Variants in DLG1 observed in about 807,000 individuals in gnomAD.
The protein encoded by DLG1 is discs large MAGUK scaffold protein 1.
A neutral mutation model predicts 123.4 loss-of-function variants in DLG1; 42 were observed. That is an observed-to-expected ratio of 0.34 (90% confidence interval 0.27 to 0.44). The LOEUF (loss-of-function observed/expected upper bound fraction) is 0.44. Ranked by LOEUF, DLG1 falls within the 20% of genes least tolerant of loss-of-function variation. DLG1 has a pLI of 1.00. For missense variants in DLG1, 942 were observed against 1,082.6 expected (o/e 0.87, Z 1.82); for synonymous variants, 317 against 356.2 (o/e 0.89, Z 1.24).
chr3:197,048,955 C>A (rs938632062), intron 24 of DLG1, among the ~76,000 whole-genome samples: 6 of 152,186 alleles, frequency 3.9e-5, no homozygotes, highest in African/African-American at 1.4e-4. Flanking sequence ...CTGTGCCCAG[C>A]CACCTCAAAA....
intron 1 of DLG1, chr3:197,297,854 G>A: frequency 1.0e-6 from 1 of 985,298 alleles, no homozygotes; most frequent in Non-Finnish European, 1.2e-6. Context: ...GGCCAGACTC[G>A]GAGCAGCTCC....
chr3:197,131,594 T>TC (rs1782568246), intron 10 of DLG1, among the ~76,000 whole-genome samples: 2 of 124,650 alleles, frequency 1.6e-5, no homozygotes, highest in African/African-American at 3.3e-5. Flanking sequence ...CTTTTTTTTT[T>TC]TTTTTTTTTT....
chr3:197,053,609 T>C (rs1299523011), intron 23 of DLG1, among the ~76,000 whole-genome samples: 1 of 150,980 alleles, frequency 6.6e-6, no homozygotes, highest in Non-Finnish European at 1.5e-5. Flanking sequence ...CCGTCTCCAC[T>C]AAGAATACAA....
At chr3:197,149,967 T>C (rs932569235) in intron 5 of DLG1, among the ~76,000 whole-genome samples, 171 bp from the exon 6 acceptor site, 16 of 152,196 alleles carry the variant, frequency 1.1e-4, no homozygotes, top group Admixed American at 5.2e-4. Context: ...GAAAAAATTA[T>C]GTATAAGCAG....
At chr3:197,196,152 T>C (rs910191313) in intron 4 of DLG1, among the ~76,000 whole-genome samples, 15 of 119,378 alleles carry the variant, frequency 1.3e-4, no homozygotes, top group African/African-American at 4.4e-4. Flanking sequence ...AGGAAAAATG[T>C]ACGTTTGTAA....
At chr3:197,275,583 G>A (rs1338271890) in intron 4 of DLG1, among the ~76,000 whole-genome samples, 2 of 152,228 alleles carry the variant, frequency 1.3e-5, no homozygotes, top group Non-Finnish European at 2.9e-5. Flanking sequence ...ATGAAGTCCT[G>A]TCATCTGCAG....
At chr3:197,182,589 T>C (rs759487302) in intron 5 of DLG1, among the ~76,000 whole-genome samples, 6 of 152,196 alleles carry the variant, frequency 3.9e-5, no homozygotes, top group Non-Finnish European at 1.5e-5. Flanking sequence ...TATTATTTTC[T>C]TTAAAAGACA....
chr3:197,276,317 G>A (rs1766406521), intron 4 of DLG1, among the ~76,000 whole-genome samples: 1 of 152,154 alleles, frequency 6.6e-6, no homozygotes, highest in Non-Finnish European at 1.5e-5. Context: ...AATAATCTGT[G>A]GTGAATCTGG....
intron 16 of DLG1, 63 bp downstream of exon 16, chr3:197,085,517 A>G (rs776343887): frequency 8.9e-6 from 14 of 1,568,806 alleles, no homozygotes; most frequent in Non-Finnish European, 1.2e-5. Flanking sequence ...AAATTAAAAA[A>G]AATTTAAAAG....
chr3:197,161,548 A>C, intron 5 of DLG1: 1 of 770,116 alleles, frequency 1.3e-6, no homozygotes, highest in Non-Finnish European at 1.9e-6. Flanking sequence ...ACCAAATTAC[A>C]AAAAACAGCT....
chr3:197,206,098 C>A (rs993251961), intron 4 of DLG1, among the ~76,000 whole-genome samples: 2 of 152,112 alleles, frequency 1.3e-5, no homozygotes, highest in Non-Finnish European at 2.9e-5. Flanking sequence ...AAGGGGCTAT[C>A]TATAGGGCAC....
intron 4 of DLG1, among the ~76,000 whole-genome samples, chr3:197,236,319 T>TA (rs150310402): frequency 0.016 from 2,421 of 150,956 alleles, 68 homozygotes; most frequent in African/African-American, 0.054. Context: ...TCTCAAAAAT[T>TA]AAAAAAAAGA....
At chr3:197,278,927 G>T (rs567075998) in intron 4 of DLG1, among the ~76,000 whole-genome samples, 30 of 152,282 alleles carry the variant, frequency 2.0e-4, no homozygotes, top group African/African-American at 5.5e-4. Flanking sequence ...TGTTGGAAAA[G>T]ATTACTATAT....
chr3:197,166,422 AAC>A lies in DLG1; in HGVS notation c.484-16628_484-16627del, dbSNP rs367771324. On this transcript the variant is annotated intron_variant, in intron 5 of 24. Transcript: ENST00000667157. Reference sequence around the variant, plus strand: ...CACTAAAATTGGAGGTATTGGTATAAACAGTTTTCAATATATATAGATAAATA... The same window carrying A: ...CACTAAAATTGGAGGTATTGGTATAAAGTTTTCAATATATATAGATAAATA... 4.6e-5 allele frequency among the ~76,000 whole-genome samples: 7 copies of A among 152,328 alleles called. No individual in the cohort carries two copies. In the East Asian group the frequency reaches 1.2e-3, roughly 25 times the overall value.
rs139188532 is a variant in DLG1, at chr3:197,292,447, G to A, written c.151+3899C>T. Among the ~76,000 whole-genome samples, 394 of 152,320 alleles carry A rather than the reference G, an allele frequency of 2.6e-3. 1 individual carries two copies. Among genetic ancestry groups the A allele is most frequent in the African/African-American group, 7.7e-3 (319 of 41,568 alleles). On this transcript the variant is annotated intron_variant, in intron 3 of 24. Coordinates refer to ENST00000667157, the MANE Select transcript of DLG1 (RefSeq NM_001366207.1). ...GCAGCACGTTGGTCACAAGGGGCTGGGAAGTGAGAGGAAAGGGGAGCAGTT... is the reference window on the plus strand; with the variant it reads ...GCAGCACGTTGGTCACAAGGGGCTGAGAAGTGAGAGGAAAGGGGAGCAGTT...
chr3:197,083,059 T>A (rs1366200057), intron 16 of DLG1, among the ~76,000 whole-genome samples: 1 of 152,216 alleles, frequency 6.6e-6, no homozygotes, highest in Non-Finnish European at 1.5e-5. Flanking sequence ...AAGCAGACTA[T>A]GTTCTATTTC....
intron 5 of DLG1, chr3:197,184,240 C>CGT (rs1714405231): frequency 4.9e-6 from 2 of 407,168 alleles, no homozygotes; most frequent in African/African-American, 4.3e-5. Context: ...TAATGCACTG[C>CGT]GTGGAAAAAC....
At chr3:197,181,771 G>T (rs180690818) in intron 5 of DLG1, among the ~76,000 whole-genome samples, 1 of 109,320 alleles carries the variant, frequency 9.1e-6, no homozygotes, top group Non-Finnish European at 2.0e-5. Context: ...AAATAGAAAG[G>T]TAATGAAAAA....
chr3:197,187,233 T>A (rs186034508), intron 5 of DLG1, among the ~76,000 whole-genome samples: 21 of 152,158 alleles, frequency 1.4e-4, no homozygotes, highest in African/African-American at 4.3e-4. Flanking sequence ...TAAAATTCAA[T>A]CATGTTTCTA....
Sources: allele counts gnomAD v4.1 joint callset (sites outside exome capture counted in the v4.1 genomes callset), GRCh38; gene constraint gnomAD v4.1.1; transcripts MANE v1.5; gene names NCBI Gene and HGNC (gene_info 2026-07-23, HGNC 2026-07-21).